TMEM132D: variants seen among roughly 807,000 people sequenced by gnomAD.
TMEM132D encodes mature OL transmembrane protein.
In TMEM132D, 21 loss-of-function variants were observed where a neutral mutation model predicts 62.3. The ratio of observed to expected loss-of-function variants is 0.34; its 90% CI spans 0.24 to 0.49. The LOEUF (loss-of-function observed/expected upper bound fraction) is 0.49. TMEM132D is among the 20% of genes least tolerant of loss of function. The probability of loss-of-function intolerance (pLI) is 0.99; values close to 1 mark genes in which losing one functional copy is unlikely to be tolerated. For missense variants in TMEM132D, 1,346 were observed against 1,402.8 expected, an observed-to-expected ratio of 0.96 and a Z score of 0.65; for synonymous variants, 621 against 575.6, an observed-to-expected ratio of 1.08 and a Z score of -1.13.
In TMEM132D at chr12:129,128,778, T is replaced by C. The variant is rs138414093; in HGVS notation, c.1444-44076A>G. ...TGCCCCCACCCTTGGGAGTCTCCAGTGTTTATTAGCTCCATTTTTATGTTC... is the reference window on the plus strand; with the variant it reads ...TGCCCCCACCCTTGGGAGTCTCCAGCGTTTATTAGCTCCATTTTTATGTTC... On this transcript the variant is annotated intron_variant, in intron 5 of 8. Coordinates refer to ENST00000422113, the MANE Select transcript of TMEM132D (RefSeq NM_133448.3). 4.0e-3 allele frequency among the ~76,000 whole-genome samples: 616 copies of C among 152,114 alleles called. 2 individuals are homozygous for C. The highest frequency in any genetic ancestry group is 0.014 in the African/African-American group (597 of 41,524).
At chr12:129,675,660 C>A (rs1413635490) in intron 2 of TMEM132D, among the ~76,000 whole-genome samples, 1 of 152,076 alleles carries the variant, frequency 6.6e-6, no homozygotes, top group African/African-American at 2.4e-5. Context: ...TGGTGTGGCC[C>A]CAGGGGACAG....
chr12:129,299,312 G>T (rs1285068460), intron 4 of TMEM132D, among the ~76,000 whole-genome samples: 1 of 152,116 alleles, frequency 6.6e-6, no homozygotes, highest in Non-Finnish European at 1.5e-5. Context: ...AGCAAAACTG[G>T]TGCTGATGAT....
chr12:129,115,757 A>G (rs113211554), intron 5 of TMEM132D, among the ~76,000 whole-genome samples: 321 of 152,160 alleles, frequency 2.1e-3, no homozygotes, highest in African/African-American at 7.1e-3. Flanking sequence ...TACGTCACAA[A>G]CTCCAGGCAG....
chr12:129,525,823 C>T (rs150792896), intron 3 of TMEM132D, among the ~76,000 whole-genome samples: 4 of 152,294 alleles, frequency 2.6e-5, no homozygotes, highest in East Asian at 1.9e-4. Flanking sequence ...AATCATCATT[C>T]GGATGGTAAT....
intron 1 of TMEM132D, among the ~76,000 whole-genome samples, chr12:129,830,342 C>T (rs1872792061): frequency 6.6e-6 from 1 of 152,118 alleles, no homozygotes; most frequent in Non-Finnish European, 1.5e-5. Flanking sequence ...CCCTCAAAAT[C>T]ACTAAAAGCT....
intron 2 of TMEM132D, among the ~76,000 whole-genome samples, chr12:129,650,100 T>C (rs1217385714): frequency 6.6e-6 from 1 of 152,188 alleles, no homozygotes; most frequent in Non-Finnish European, 1.5e-5. Flanking sequence ...GTATTTTCTA[T>C]CCTAAACCTG....
At chr12:129,146,095 T>C (rs1876887449) in intron 5 of TMEM132D, among the ~76,000 whole-genome samples, 1 of 151,746 alleles carries the variant, frequency 6.6e-6, no homozygotes. Flanking sequence ...TTTTCTCTCG[T>C]AGCGAGAACT....
At chr12:129,403,395 T>A (rs1871677353) in intron 3 of TMEM132D, among the ~76,000 whole-genome samples, 1 of 151,486 alleles carries the variant, frequency 6.6e-6, no homozygotes, top group South Asian at 2.1e-4. Flanking sequence ...CAGCAAGGAC[T>A]AAACTTGCAA....
intron 2 of TMEM132D, among the ~76,000 whole-genome samples, chr12:129,633,933 T>C (rs1339739782): frequency 6.6e-6 from 1 of 151,982 alleles, no homozygotes. Flanking sequence ...CCTAAGTTAA[T>C]AGAACAATAT....
At chr12:129,450,575 A>G (rs1873243476) in intron 3 of TMEM132D, among the ~76,000 whole-genome samples, 1 of 152,146 alleles carries the variant, frequency 6.6e-6, no homozygotes, top group Admixed American at 6.5e-5. Context: ...GAAAAAAACA[A>G]GCAGTACTAT....
At chr12:129,651,539 T>G (rs181436093) in intron 2 of TMEM132D, among the ~76,000 whole-genome samples, 2 of 152,316 alleles carry the variant, frequency 1.3e-5, no homozygotes, top group Non-Finnish European at 2.9e-5. Flanking sequence ...TACATTGATA[T>G]TTAAACCACA....
At position 129,525,226 on chromosome 12, in the gene TMEM132D, G is replaced by GGTTTTTTTTTTTTTTTTTTTTTTTTTTTT. The variant is rs1336461549; in HGVS notation, c.1115+5832_1115+5833insAAAAAAAAAAAAAAAAAAAAAAAAAAAAC. ...GGGTATGAGCCACGGTGCCCAGCCG[G>GGTTTTTTTTTTTTTTTTTTTTTTTTTTTT]TTTTTTTTTTTTTTTTTTTTTTTTT... On this transcript the variant is annotated intron_variant, in intron 3 of 8. Coordinates refer to ENST00000422113, the MANE Select transcript of TMEM132D (RefSeq NM_133448.3). Among the ~76,000 whole-genome samples, 2 of 67,392 alleles carry GGTTTTTTTTTTTTTTTTTTTTTTTTTTTT rather than the reference G, an allele frequency of 3.0e-5. 1 individual carries two copies. The highest frequency in any genetic ancestry group is 5.8e-5 in the Non-Finnish European group (2 of 34,754). 44.2% of individuals were successfully genotyped at this position (67,392 alleles called of 152,430 possible).
At chr12:129,175,238 T>C (rs1316186575) in intron 5 of TMEM132D, among the ~76,000 whole-genome samples, 1 of 152,126 alleles carries the variant, frequency 6.6e-6, no homozygotes, top group African/African-American at 2.4e-5. Context: ...CCATCTCAAG[T>C]TAATTTTTGT....
chr12:129,792,319 T>C (rs1593163487), intron 1 of TMEM132D, among the ~76,000 whole-genome samples: 1 of 152,280 alleles, frequency 6.6e-6, no homozygotes, highest in East Asian at 1.9e-4. Context: ...TCATCCTGAA[T>C]AGGCTATTTC....
intron 2 of TMEM132D, among the ~76,000 whole-genome samples, chr12:129,533,730 C>A (rs1876294936): frequency 6.6e-6 from 1 of 152,176 alleles, no homozygotes; most frequent in Non-Finnish European, 1.5e-5. Context: ...GCAAATGAAG[C>A]TATAGTCGGT....
In TMEM132D at chr12:129,491,994, A is replaced by T. The variant is rs550650223; in HGVS notation, c.1115+39065T>A. On this transcript the variant is annotated intron_variant, in intron 3 of 8. Transcript: ENST00000422113. ...CTATCTCTAAAGAATACTTGTTTCG[A>T]TTTTATACAAGTTAGAAAGAAACTT... is the stretch of plus-strand genomic sequence containing the variant. Among the ~76,000 whole-genome samples the T allele has an allele frequency of 3.3e-5, 5 of 152,220 alleles. No individual in the cohort carries two copies. The South Asian group carries it at 1.0e-3, about 32-fold the overall frequency.
chr12:129,546,788 G>A (rs1489166484), intron 2 of TMEM132D, among the ~76,000 whole-genome samples: 7 of 150,140 alleles, frequency 4.7e-5, no homozygotes, highest in East Asian at 3.9e-4. Flanking sequence ...GCAACAGAGC[G>A]ATACTCCGTC....
intron 2 of TMEM132D, among the ~76,000 whole-genome samples, chr12:129,598,320 C>T (rs1878397792): frequency 6.6e-6 from 1 of 152,148 alleles, no homozygotes; most frequent in African/African-American, 2.4e-5. Context: ...GACAGGCAGG[C>T]TCCAGGTCAA....
chr12:129,473,318 G>GTTTTTTTTTTTTTTTTTTTTTTT lies in TMEM132D; in HGVS notation c.1115+57740_1115+57741insAAAAAAAAAAAAAAAAAAAAAAA, dbSNP rs1441231858. Among the ~76,000 whole-genome samples, 2 of 57,760 alleles carry GTTTTTTTTTTTTTTTTTTTTTTT rather than the reference G, an allele frequency of 3.5e-5. 1 individual carries two copies. The allele number at this position is 57,760 out of a possible 152,430, so 37.9% of individuals were successfully genotyped here. A position where few individuals can be genotyped will look rare whatever the true frequency, so the allele number is the denominator to read the frequency against. On this transcript the variant is annotated intron_variant, in intron 3 of 8. Transcript: ENST00000422113. Reference sequence around the variant, plus strand: ...AGTTTTTGGCAATAAAGTGATTTTAGTTTTTGTTTTTTTTTTTTTTTTTTT... The same window carrying GTTTTTTTTTTTTTTTTTTTTTTT: ...AGTTTTTGGCAATAAAGTGATTTTAGTTTTTTTTTTTTTTTTTTTTTTTTTTTTGTTTTTTTTTTTTTTTTTTT...
Sources: allele counts gnomAD v4.1 joint callset (sites outside exome capture counted in the v4.1 genomes callset), GRCh38; gene constraint gnomAD v4.1.1; transcripts MANE v1.5; gene names NCBI Gene and HGNC (gene_info 2026-07-23, HGNC 2026-07-21).